SMARCAD1: variants seen among roughly 807,000 people sequenced by gnomAD.
SMARCAD1 encodes SNF2 related chromatin remodeling ATPase with DExD box 1.
SMARCAD1 carries 25 observed loss-of-function variants against 127.1 expected under a neutral mutation model. The observed-to-expected ratio is 0.20, with a 90% confidence interval of 0.14 to 0.27. SMARCAD1 has a LOEUF of 0.27. Among genes scored for constraint, SMARCAD1 ranks in the 10% least tolerant of loss-of-function variants. SMARCAD1 has a pLI of 1.00. For missense variants in SMARCAD1, 807 were observed against 1,206.0 expected, an observed-to-expected ratio of 0.67 and a Z score of 4.90; for synonymous variants, 400 against 396.9, an observed-to-expected ratio of 1.01 and a Z score of -0.09.
chr4:94,213,451 G>A (rs1425915946), intron 2 of SMARCAD1, among the ~76,000 whole-genome samples: 1 of 152,152 alleles, frequency 6.6e-6, no homozygotes, highest in African/African-American at 2.4e-5. Flanking sequence ...AGACAATATA[G>A]ATGAAACTGA....
intron 3 of SMARCAD1, among the ~76,000 whole-genome samples, chr4:94,233,732 AG>A (rs1746208728): frequency 6.6e-6 from 1 of 152,184 alleles, no homozygotes; most frequent in South Asian, 2.1e-4. Flanking sequence ...ATCCCAGCTC[AG>A]GGTTGAGATT....
At chr4:94,220,931 C>T (rs896982751) in intron 2 of SMARCAD1, among the ~76,000 whole-genome samples, 4 of 152,222 alleles carry the variant, frequency 2.6e-5, no homozygotes, top group Non-Finnish European at 5.9e-5. Context: ...CAACAGTGAT[C>T]TCAAGGGAAG....
chr4:94,230,593 C>T (rs1278458695), intron 3 of SMARCAD1, among the ~76,000 whole-genome samples: 1 of 152,138 alleles, frequency 6.6e-6, no homozygotes, highest in Non-Finnish European at 1.5e-5. Context: ...TTAAGTATCT[C>T]TGACCTCACC....
intron 19 of SMARCAD1, 97 bp from the exon 20 acceptor site, chr4:94,280,495 G>A (rs1281714415): frequency 2.8e-6 from 3 of 1,063,298 alleles, no homozygotes; most frequent in Admixed American, 2.0e-5. Flanking sequence ...CTATGATTTA[G>A]ATATTTTATC....
chr4:94,257,538 A>G (rs147817385), intron 9 of SMARCAD1, among the ~76,000 whole-genome samples: 1 of 152,180 alleles, frequency 6.6e-6, no homozygotes, highest in Admixed American at 6.5e-5. Context: ...TGGTGGCAGT[A>G]GAGTGTTCTT....
At chr4:94,226,388 C>CA in intron 3 of SMARCAD1, 92 bp downstream of exon 3, 5 of 648,878 alleles carry the variant, frequency 7.7e-6, no homozygotes, top group Non-Finnish European at 1.1e-5. Flanking sequence ...GGTGACTTCC[C>CA]TTTTTTTTTT....
rs779364837 is a variant in SMARCAD1 at position 94,264,770 on chromosome 4, A to C, written c.1345A>C (p.Ile449Leu). The C allele has an allele frequency of 6.2e-7, 1 of 1,612,750 alleles. No homozygotes were observed. The highest frequency in any genetic ancestry group is 8.5e-7 in the Non-Finnish European group (1 of 1,179,172). Reference protein sequence around the residue: ...EDLIWHCKTLIQERDVVIRLM... With the variant: ...EDLIWHCKTLLQERDVVIRLM... ...TTTGATATGGCACTGTAAAACACTGATCCAAGAAAGAGATGTAGTTATAAG... is the reference window on the plus strand; with the variant it reads ...TTTGATATGGCACTGTAAAACACTGCTCCAAGAAAGAGATGTAGTTATAAG... Residue 449 changes from isoleucine (I) to leucine (L), a missense_variant, in exon 10 of 24, where the codon ATC (isoleucine) becomes CTC (leucine). By Grantham distance (5) the Ile-to-Leu change is conservative. Coordinates refer to ENST00000354268, the MANE Select transcript of SMARCAD1 (RefSeq NM_020159.5).
intron 4 of SMARCAD1, 65 bp downstream of exon 4, chr4:94,234,187 TTAG>T: frequency 7.2e-7 from 1 of 1,389,238 alleles, no homozygotes; most frequent in Non-Finnish European, 1.0e-6. Context: ...AGTGCTATAG[TTAG>T]TAGTGGATAG....
chr4:94,209,688 G>T (rs1214879640), intron 2 of SMARCAD1, among the ~76,000 whole-genome samples: 1 of 152,184 alleles, frequency 6.6e-6, no homozygotes, highest in Non-Finnish European at 1.5e-5. Context: ...TTGGCAGAAT[G>T]ATTTGGTAGA....
Position 94,226,507 on chromosome 4 carries a change from A to AT in SMARCAD1, c.368+232dup, listed in dbSNP as rs60198579. ...TGTGTGTGTTTTCTGGATAACAGTGATTTTTTTTTTTTTTTTTTTTTGATA... is the reference window on the plus strand; with the variant it reads ...TGTGTGTGTTTTCTGGATAACAGTGATTTTTTTTTTTTTTTTTTTTTTGATA... On this transcript the variant is annotated intron_variant, in intron 3 of 23. Transcript: ENST00000354268. Among the ~76,000 whole-genome samples, 1,060 of 112,946 alleles carry AT rather than the reference A, an allele frequency of 9.4e-3. 10 individuals carry two copies. The highest frequency in any genetic ancestry group is 0.02 in the African/African-American group (575 of 28,846). 74.1% of individuals were successfully genotyped at this position (112,946 alleles called of 152,430 possible).
At chr4:94,279,141 C>T in intron 19 of SMARCAD1, 91 bp downstream of exon 19, 3 of 1,527,178 alleles carry the variant, frequency 2.0e-6, no homozygotes, top group Non-Finnish European at 2.7e-6. Flanking sequence ...GCATACTAAA[C>T]CTTTAACTAC....
chr4:94,227,292 A>G (rs1361090205), intron 3 of SMARCAD1, among the ~76,000 whole-genome samples: 9 of 152,168 alleles, frequency 5.9e-5, no homozygotes, highest in South Asian at 2.1e-4. Flanking sequence ...TTAGTTCCAT[A>G]GGCTGTTTGG....
At chr4:94,283,385 C>A (rs1327500838) in intron 22 of SMARCAD1, 82 bp downstream of exon 22, 2 of 1,419,366 alleles carry the variant, frequency 1.4e-6, no homozygotes, top group Non-Finnish European at 9.8e-7. Context: ...TGTTGGATGT[C>A]CTGCCTTAGT....
In SMARCAD1 at chr4:94,278,997, C is replaced by T; in HGVS notation, c.2365C>T (p.Arg789Cys). Residue 789 changes from arginine to cysteine, a missense_variant, in exon 19 of 24, where the codon CGC becomes TGC. By Grantham distance (180) the Arg-to-Cys change is radical (BLOSUM62 -3). This residue lies in a region of SMARCAD1 where 99 missense variants were observed against 126.0 expected (regional missense o/e 0.79). Transcript: ENST00000354268. ...RKMANHPLLH[R>C]QYYTAEKLKE... ...AATGGCCAATCATCCTTTATTACAT[C>T]GCCAATATTACACAGCTGAAAAACT... The T allele has an allele frequency of 1.2e-6, 2 of 1,614,002 alleles. No individual in the cohort carries two copies. The highest frequency in any genetic ancestry group is 8.5e-7 in the Non-Finnish European group (1 of 1,179,994).
chr4:94,281,599 A>AAT lies in SMARCAD1; in HGVS notation c.2726+10_2726+11dup, dbSNP rs778072848. The stretch of plus-strand genomic sequence containing the variant: ...ACTCAGATTTCTGAAAGGTTGGTAT[A>AAT]ATTCATGTTAGTTACAAAAAAATAA... On this transcript the variant is annotated intron_variant, in intron 21 of 23. Transcript: ENST00000354268. 20 of 1,505,274 alleles carry AAT rather than the reference A, an allele frequency of 1.3e-5. No homozygotes were observed. The highest frequency in any genetic ancestry group is 1.8e-5 in the Non-Finnish European group (19 of 1,081,688). 93.2% of individuals were successfully genotyped at this position (1,505,274 alleles called of 1,614,324 possible).
intron 22 of SMARCAD1, among the ~76,000 whole-genome samples, chr4:94,284,666 CA>C (rs781126328): frequency 4.0e-4 from 61 of 150,828 alleles, no homozygotes; most frequent in Non-Finnish European, 7.5e-4. Context: ...CTGCTGGCCT[CA>C]AGCAATCCAC....
In SMARCAD1 at chr4:94,290,612, C is replaced by G. The variant is rs1309215166; in HGVS notation, c.*1078C>G. On this transcript the variant is annotated 3_prime_UTR_variant, in exon 24 of 24. Transcript: ENST00000354268. ...CTGAAGAGAGAGCCATTGTTCAATT[C>G]CAATTCAGTGTGAGTGACAAAGTGA... The G allele has an allele frequency of 2.2e-6, 1 of 454,416 alleles. No homozygotes were observed. The highest frequency in any genetic ancestry group is 4.4e-6 in the Non-Finnish European group (1 of 226,722). 28.1% of individuals were successfully genotyped at this position (454,416 alleles called of 1,614,324 possible).
At chr4:94,286,899 C>T (rs928973693) in intron 23 of SMARCAD1, among the ~76,000 whole-genome samples, 1 of 151,962 alleles carries the variant, frequency 6.6e-6, no homozygotes, top group African/African-American at 2.4e-5. Flanking sequence ...GAGTCTTGCT[C>T]TGTCGCCCAG....
chr4:94,282,099 T>TTTTG (rs756041278), intron 21 of SMARCAD1, among the ~76,000 whole-genome samples: 5 of 4,542 alleles, frequency 1.1e-3, no homozygotes, highest in Non-Finnish European at 1.4e-3. Flanking sequence ...TACGTTTTTT[T>TTTTG]GTTTTTTTTT....
Sources: gnomAD v4.1 joint callset for allele counts (sites outside exome capture counted in the v4.1 genomes callset) on GRCh38, gnomAD v4.1.1 for gene constraint, gnomAD v4.1.1 regional missense constraint, MANE v1.5 for transcripts, NCBI Gene and HGNC (gene_info 2026-07-23, HGNC 2026-07-21) for gene names.